ELAPOR2: variants seen among roughly 807,000 people sequenced by gnomAD.
ELAPOR2 encodes endosome/lysosome-associated apoptosis and autophagy regulator family member 2.
Under a neutral mutation model 120.7 loss-of-function variants are expected in ELAPOR2, and 89 were observed. The observed-to-expected ratio is 0.74, with a 90% CI of 0.62 to 0.88. ELAPOR2 has a LOEUF of 0.88. ELAPOR2 is among the 40% of genes least tolerant of loss of function. The probability of loss-of-function intolerance (pLI) is 0.00; values close to 1 mark genes in which losing one functional copy is unlikely to be tolerated. For synonymous variants in ELAPOR2, 444 were observed against 444.9 expected (o/e 1.00, Z 0.03); for missense variants, 1,134 against 1,251.6 (o/e 0.91, Z 1.42).
chr7:86,967,516 C>T (rs953672193), intron 1 of ELAPOR2, among the ~76,000 whole-genome samples: 4 of 152,060 alleles, frequency 2.6e-5, no homozygotes, highest in Non-Finnish European at 5.9e-5. Context: ...AAGATTCTGG[C>T]CCCTATATAT....
chr7:86,926,832 T>C lies in ELAPOR2; in HGVS notation c.1174A>G (p.Lys392Glu). ...DAIRLPPSGE[K>E]KDCPPCNPGF... ...GGGTTGCAAGGCGGACAATCCTTCTTCTCTCCAGAAGGGGGCAATCTAATA... is the reference window on the plus strand; with the variant it reads ...GGGTTGCAAGGCGGACAATCCTTCTCCTCTCCAGAAGGGGGCAATCTAATA... Residue 392 changes from lysine (K) to glutamate (E), a missense_variant, in exon 9 of 22, where the codon AAG becomes GAG. Physicochemically the swap from Lys to Glu is moderately conservative, Grantham distance 56. Coordinates refer to ENST00000450689, the MANE Select transcript of ELAPOR2 (RefSeq NM_001142749.3). 6.2e-7 allele frequency: 1 copy of C among 1,609,516 alleles called. No individual in the cohort carries two copies. The highest frequency in any genetic ancestry group is 8.5e-7 in the Non-Finnish European group (1 of 1,178,536).
intron 1 of ELAPOR2, among the ~76,000 whole-genome samples, chr7:87,039,454 T>TA (rs918685040): frequency 7.3e-5 from 11 of 151,576 alleles, no homozygotes; most frequent in South Asian, 2.1e-4. Flanking sequence ...AGACACATAA[T>TA]AAAAAAAACT....
At chr7:86,988,699 C>T (rs1444067134) in intron 1 of ELAPOR2, among the ~76,000 whole-genome samples, 1 of 152,144 alleles carries the variant, frequency 6.6e-6, no homozygotes, top group South Asian at 2.1e-4. Context: ...TGTGTCAAAA[C>T]GATAATAAAG....
intron 1 of ELAPOR2, among the ~76,000 whole-genome samples, chr7:87,034,502 A>T (rs529101819): frequency 1.1e-4 from 17 of 152,280 alleles, no homozygotes; most frequent in African/African-American, 3.6e-4. Context: ...TCATTAAAAA[A>T]AAACCTCAAG....
chr7:86,943,954 A>G (rs1790901074), intron 4 of ELAPOR2, among the ~76,000 whole-genome samples: 1 of 152,088 alleles, frequency 6.6e-6, no homozygotes, highest in South Asian at 2.1e-4. Context: ...GTTAACAATT[A>G]CAGAGTTGGA....
In ELAPOR2 at chr7:87,034,415, T is replaced by G. The variant is rs559805052; in HGVS notation, c.189+24910A>C. ...TGCTTATTTAGTGAGATTATGGGTG[T>G]TTTTATTGCTGCATTTTTCTGGAAT... On this transcript the variant is annotated intron_variant, in intron 1 of 21. Coordinates refer to ENST00000450689, the MANE Select transcript of ELAPOR2 (RefSeq NM_001142749.3). Among the ~76,000 whole-genome samples, 4 of 152,208 alleles carry G rather than the reference T, an allele frequency of 2.6e-5. No individual in the cohort carries two copies. The East Asian group carries it at 7.7e-4, about 29-fold the overall frequency.
At chr7:87,037,987 A>G (rs781061112) in intron 1 of ELAPOR2, among the ~76,000 whole-genome samples, 1 of 152,102 alleles carries the variant, frequency 6.6e-6, no homozygotes, top group Non-Finnish European at 1.5e-5. Flanking sequence ...CACTTAACCC[A>G]TCTGTACTAT....
chr7:86,891,981 A>T, intron 20 of ELAPOR2, 92 bp from the exon 21 acceptor site: 2 of 822,704 alleles, frequency 2.4e-6, no homozygotes, highest in South Asian at 4.4e-5. Context: ...CCAGCTCATT[A>T]AATTGACTTG....
intron 1 of ELAPOR2, among the ~76,000 whole-genome samples, chr7:86,994,611 T>C (rs1793062671): frequency 6.6e-6 from 1 of 152,176 alleles, no homozygotes; most frequent in South Asian, 2.1e-4. Context: ...TCTGAAAAAT[T>C]TCTCCAGTCA....
intron 1 of ELAPOR2, among the ~76,000 whole-genome samples, chr7:86,994,790 C>T (rs1793070955): frequency 6.6e-6 from 1 of 152,018 alleles, no homozygotes; most frequent in Admixed American, 6.6e-5. Flanking sequence ...GTAATTCAGC[C>T]TAGAAATCAA....
chr7:87,044,089 G>A (rs1361551209), intron 1 of ELAPOR2, among the ~76,000 whole-genome samples: 1 of 121,804 alleles, frequency 8.2e-6, no homozygotes, highest in Non-Finnish European at 1.7e-5. Context: ...ACAAACCACT[G>A]CTCAAGGAAA....
rs1788411146 is a variant in ELAPOR2, at chr7:86,895,819, T to G, written c.2685+1687A>C. On this transcript the variant is annotated intron_variant, in intron 19 of 21. Transcript: ENST00000450689. ...AATTAAACTTGGTAGCCAAAGGGAGTGCAGCTTCGTTTTTCATTTACTCTA... is the reference window on the plus strand; with the variant it reads ...AATTAAACTTGGTAGCCAAAGGGAGGGCAGCTTCGTTTTTCATTTACTCTA... 2.0e-5 allele frequency among the ~76,000 whole-genome samples: 3 copies of G among 152,030 alleles called. No individual in the cohort carries two copies. In the South Asian group the frequency reaches 6.2e-4, roughly 32 times the overall value.
chr7:86,915,851 T>C (rs1789548249), intron 12 of ELAPOR2, among the ~76,000 whole-genome samples: 1 of 151,914 alleles, frequency 6.6e-6, no homozygotes. Context: ...ATGCTCATCA[T>C]ACATTATAGA....
At chr7:86,910,129 C>T (rs372736976) in intron 15 of ELAPOR2, 128 bp from the exon 16 acceptor site, 1 of 698,690 alleles carries the variant, frequency 1.4e-6, no homozygotes. Context: ...TTTAGTTGAT[C>T]TGGTATGAGG....
In ELAPOR2 at chr7:86,972,680, A is replaced by G. The variant is rs548190139; in HGVS notation, c.190-7656T>C. ...GATCCACCTCGGGCACACATCCCCA[A>G]CACTGAAACCCAAGTCAAGCTACCT... On this transcript the variant is annotated intron_variant, in intron 1 of 21. Coordinates refer to ENST00000450689, the MANE Select transcript of ELAPOR2 (RefSeq NM_001142749.3). Among the ~76,000 whole-genome samples the G allele has an allele frequency of 2.0e-5, 3 of 151,680 alleles. No individual in the cohort carries two copies. In the East Asian group the frequency reaches 5.9e-4, roughly 30 times the overall value.
intron 1 of ELAPOR2, among the ~76,000 whole-genome samples, chr7:87,024,163 C>A (rs1228118182): frequency 6.6e-6 from 1 of 152,104 alleles, no homozygotes; most frequent in Non-Finnish European, 1.5e-5. Context: ...GGAATGCTTC[C>A]AGTTTTTGCC....
Position 87,019,647 on chromosome 7 carries a change from T to C in ELAPOR2, c.189+39678A>G, listed in dbSNP as rs371687340. ...GTAACAGTGATTATGAATAAAAGTA[T>C]ATTGGCAATCAGAAGAAGAAACAGA... On this transcript the variant is annotated intron_variant, in intron 1 of 21. Transcript: ENST00000450689. Among the ~76,000 whole-genome samples, 39 of 152,308 alleles carry C rather than the reference T, an allele frequency of 2.6e-4. 1 individual carries two copies. The South Asian group carries it at 7.5e-3, about 29-fold the overall frequency.
intron 1 of ELAPOR2, among the ~76,000 whole-genome samples, chr7:87,035,745 A>G (rs1794565520): frequency 6.6e-6 from 1 of 152,232 alleles, no homozygotes; most frequent in Non-Finnish European, 1.5e-5. Context: ...TATGACAGCT[A>G]TGGCTTCAGA....
At chr7:87,016,319 T>G (rs1406087391) in intron 1 of ELAPOR2, among the ~76,000 whole-genome samples, 1 of 151,988 alleles carries the variant, frequency 6.6e-6, no homozygotes, top group Non-Finnish European at 1.5e-5. Flanking sequence ...AGGGGATGGG[T>G]AGAAATAGGG....
Sources: gnomAD v4.1 joint callset for allele counts (sites outside exome capture counted in the v4.1 genomes callset) on GRCh38, gnomAD v4.1.1 for gene constraint, MANE v1.5 for transcripts, NCBI Gene and HGNC (gene_info 2026-07-23, HGNC 2026-07-21) for gene names.